The following CEP104 variants were observed in gnomAD, a reference collection of about 807,000 sequenced individuals.
CEP104 encodes the protein centrosomal protein of 104 kDa.
In CEP104, 84 loss-of-function variants were observed where a neutral mutation model predicts 113.3. The ratio of observed to expected loss-of-function variants is 0.74; its 90% CI spans 0.62 to 0.89. CEP104 has a LOEUF of 0.89. Among genes scored for constraint, CEP104 ranks in the 40% least tolerant of loss-of-function variants. CEP104 has a pLI of 0.00. For missense variants in CEP104, 1,053 were observed against 1,156.6 expected (o/e 0.91, Z 1.30); for synonymous variants, 378 against 421.7 (o/e 0.90, Z 1.27).
chr1:3,831,548 T>C (rs1644206990), intron 12 of CEP104, among the ~76,000 whole-genome samples: 1 of 152,246 alleles, frequency 6.6e-6, no homozygotes, highest in Non-Finnish European at 1.5e-5. Flanking sequence ...AAAGGTTTTC[T>C]CATTTCTAAA....
chr1:3,847,933 C>T (rs1644537831), intron 3 of CEP104, among the ~76,000 whole-genome samples: 1 of 152,042 alleles, frequency 6.6e-6, no homozygotes, highest in Non-Finnish European at 1.5e-5. Context: ...CTCCCGGGTT[C>T]AAGCAATTCT....
intron 20 of CEP104, among the ~76,000 whole-genome samples, chr1:3,818,008 CAG>C (rs1643905856): frequency 6.6e-6 from 1 of 152,244 alleles, no homozygotes; most frequent in African/African-American, 2.4e-5. Flanking sequence ...TGAGCCCAGT[CAG>C]GGCCAGCAGA....
At chr1:3,845,439 G>C (rs976488678) in intron 4 of CEP104, 88 bp from the exon 5 acceptor site, 28 of 1,026,432 alleles carry the variant, frequency 2.7e-5, no homozygotes, top group Non-Finnish European at 3.7e-5. Context: ...ACAGGGTCTC[G>C]TCTGTCACCC....
intron 20 of CEP104, among the ~76,000 whole-genome samples, chr1:3,816,772 C>T (rs1643887321): frequency 6.6e-6 from 1 of 152,280 alleles, no homozygotes; most frequent in African/African-American, 2.4e-5. Flanking sequence ...CAGCCTGCTG[C>T]CCACGGTTCC....
At position 3,820,730 on chromosome 1, in the gene CEP104, G is replaced by A. The variant is rs569270095; in HGVS notation, c.2571+2444C>T. 1.4e-4 allele frequency among the ~76,000 whole-genome samples: 22 copies of A among 152,324 alleles called. No individual in the cohort carries two copies. The South Asian group carries it at 3.3e-3, about 23-fold the overall frequency. ...CCAACACAGGGCCACTGGGACCCCC[G>A]TCACCAGTGGCAGATGTGGTCAGGA... On this transcript the variant is annotated intron_variant, in intron 20 of 21. Transcript: ENST00000378230.
intron 1 of CEP104, chr1:3,855,792 A>C: frequency 3.5e-6 from 2 of 567,798 alleles, no homozygotes; most frequent in Non-Finnish European, 4.5e-6. Context: ...TGCCACTTTT[A>C]GGCTCTATAA....
At chr1:3,829,631 G>C (rs1012622987) in intron 14 of CEP104, 160 bp downstream of exon 14, 2 of 778,854 alleles carry the variant, frequency 2.6e-6, no homozygotes, top group African/African-American at 1.7e-5. Context: ...GGAGCAGCCG[G>C]GATCTGAATG....
chr1:3,847,000 C>T (rs190600598), intron 4 of CEP104, among the ~76,000 whole-genome samples: 1 of 152,298 alleles, frequency 6.6e-6, no homozygotes, highest in African/African-American at 2.4e-5. Flanking sequence ...AGGGAATTTA[C>T]CTTGTGCACG....
intron 18 of CEP104, 33 bp downstream of exon 18, chr1:3,825,725 G>C: frequency 7.2e-7 from 1 of 1,381,664 alleles, no homozygotes; most frequent in South Asian, 1.2e-5. Context: ...TCCCGCTCAT[G>C]CAAGTAGCTG....
Position 3,852,339 on chromosome 1 carries a change from C to T in CEP104, c.69G>A (p.Glu23=). ...TGACAGTTGGCGCGTGGATCATGAGCTCCCGGGCACTGAAGCCGTCTTCGT... is the reference window on the plus strand; with the variant it reads ...TGACAGTTGGCGCGTGGATCATGAGTTCCCGGGCACTGAAGCCGTCTTCGT... ...SGHEDGFSAR[E]LMIHAPTVSG... Residue 23 remains glutamate, a synonymous_variant, in exon 2 of 22, where the codon GAG becomes GAA. Coordinates refer to ENST00000378230, the MANE Select transcript of CEP104 (RefSeq NM_014704.4). 6.2e-7 allele frequency: 1 copy of T among 1,614,124 alleles called. No homozygotes were observed. Among genetic ancestry groups the T allele is most frequent in the Non-Finnish European group, 8.5e-7 (1 of 1,180,026 alleles).
chr1:3,817,003 C>T (rs187364587), intron 20 of CEP104, among the ~76,000 whole-genome samples: 2 of 152,338 alleles, frequency 1.3e-5, no homozygotes, highest in Admixed American at 6.5e-5. Flanking sequence ...TCTGGACATT[C>T]GAGTTGTTCC....
At chr1:3,854,432 T>C (rs1241937168) in intron 1 of CEP104, among the ~76,000 whole-genome samples, 2 of 152,134 alleles carry the variant, frequency 1.3e-5, no homozygotes, top group African/African-American at 4.8e-5. Flanking sequence ...TCAAAGTTAA[T>C]ACCCTTCAGC....
rs7522227 is a variant in CEP104 at position 3,831,521 on chromosome 1, A to G, written c.1660-299T>C. Among the ~76,000 whole-genome samples the G allele has an allele frequency of 0.59, 90,367 of 152,098 alleles. 28,415 individuals carry two copies. The highest frequency in any genetic ancestry group is 0.7 in the Non-Finnish European group (47,719 of 67,994). Reference sequence around the variant, plus strand: ...AAACTTGAAGGTTTCTGTTCTCAGTATTCTCAGCTTCAAGGAAAAGGTTTT... The same window carrying G: ...AAACTTGAAGGTTTCTGTTCTCAGTGTTCTCAGCTTCAAGGAAAAGGTTTT... On this transcript the variant is annotated intron_variant, in intron 12 of 21. Transcript: ENST00000378230.
intron 6 of CEP104, chr1:3,843,348 C>A: frequency 5.9e-6 from 3 of 511,342 alleles, no homozygotes; most frequent in South Asian, 5.3e-5. Context: ...AAAGAGGAAG[C>A]GGCAACAGCA....
Position 3,829,896 on chromosome 1 carries a change from C to G in CEP104, c.1938G>C (p.Glu646Asp). 3.1e-6 allele frequency: 5 copies of G among 1,614,130 alleles called. No individual in the cohort carries two copies. Among genetic ancestry groups the G allele is most frequent in the Non-Finnish European group, 3.4e-6 (4 of 1,180,036 alleles). Residue 646 changes from glutamate (E) to aspartate (D), a missense_variant, in exon 14 of 22, where the codon GAG becomes GAC. By Grantham distance (45) the Glu-to-Asp change is conservative. Transcript: ENST00000378230. ...MYRQHQASIL[E>D]YLPPDDSNTR... is the part of the protein sequence containing the mutation. Reference sequence around the variant, plus strand: ...TGTTGCTGTCGTCTGGAGGAAGGTACTCCAGGATGGAAGCCTGGTGCTGTC... The same window carrying G: ...TGTTGCTGTCGTCTGGAGGAAGGTAGTCCAGGATGGAAGCCTGGTGCTGTC...
At chr1:3,821,581 T>C (rs576899942) in intron 20 of CEP104, among the ~76,000 whole-genome samples, 1 of 152,180 alleles carries the variant, frequency 6.6e-6, no homozygotes, top group East Asian at 1.9e-4. Context: ...AGTCGGTGGG[T>C]TAGGCCTTGA....
In CEP104 at chr1:3,848,759, T is replaced by C; in HGVS notation, c.136A>G (p.Ile46Val). ...CATCTCTCCACCATTTGAAGGACAATTTCTTGTGGAAACTGGCAAAATCTG... is the reference window on the plus strand; with the variant it reads ...CATCTCTCCACCATTTGAAGGACAACTTCTTGTGGAAACTGGCAAAATCTG... Reference protein sequence around the residue: ...SPRFCQFPQEIVLQMVERCRI... With the variant: ...SPRFCQFPQEVVLQMVERCRI... The change falls in exon 3 of 22, where the codon ATT becomes GTT. Residue 46 changes from isoleucine to valine, a missense_variant. Transcript: ENST00000378230. The C allele has an allele frequency of 1.2e-6, 2 of 1,608,576 alleles. No individual in the cohort carries two copies. Among genetic ancestry groups the C allele is most frequent in the Non-Finnish European group, 1.7e-6 (2 of 1,178,542 alleles).
In CEP104 at chr1:3,836,636, C is replaced by T; in HGVS notation, c.1176G>A (p.Gly392=). 1.9e-6 allele frequency: 3 copies of T among 1,613,952 alleles called. No individual in the cohort carries two copies. The highest frequency in any genetic ancestry group is 2.2e-5 in the South Asian group (2 of 91,070). The change falls in exon 10 of 22, where the codon GGG becomes GGA. Residue 392 remains glycine (G), a synonymous_variant. Coordinates refer to ENST00000378230, the MANE Select transcript of CEP104 (RefSeq NM_014704.4). ...TCATTTCCGGCTCCACCACTGCCTC[C>T]CCATAATGCTTACGAATAGCTGGAA... ...RPLPAIRKHY[G]EAVVEPEMSN...
chr1:3,856,687 A>C (rs4648427), intron 1 of CEP104, among the ~76,000 whole-genome samples: 49,791 of 152,040 alleles, frequency 0.33, 9,101 homozygotes, highest in African/African-American at 0.5. Flanking sequence ...TCCCCGGCAT[A>C]CGGCACGACG....
Sources: allele counts gnomAD v4.1 joint callset (sites outside exome capture counted in the v4.1 genomes callset), GRCh38; gene constraint gnomAD v4.1.1; transcripts MANE v1.5; gene names NCBI Gene and HGNC (gene_info 2026-07-23, HGNC 2026-07-21).